Variants in GPHN observed in about 807,000 individuals in gnomAD.
GPHN encodes gephyrin.
In GPHN, 17 loss-of-function variants were observed where a neutral mutation model predicts 95.5. That is an observed-to-expected ratio of 0.18 (90% confidence interval 0.12 to 0.27). The LOEUF is 0.27. Among genes scored for constraint, GPHN ranks in the 10% least tolerant of loss-of-function variants. The pLI, the probability that GPHN is intolerant of heterozygous loss-of-function variation, is 1.00. For missense variants in GPHN, 660 were observed against 978.1 expected (o/e 0.67, Z 4.34); for synonymous variants, 320 against 322.5 (o/e 0.99, Z 0.08).
At chr14:66,526,445 C>T (rs1399595520) in intron 1 of GPHN, among the ~76,000 whole-genome samples, 3 of 152,092 alleles carry the variant, frequency 2.0e-5, no homozygotes, top group African/African-American at 4.8e-5. Context: ...AATTTGACTT[C>T]CTCTTCCTAT....
chr14:67,129,862 G>A lies in GPHN; in HGVS notation c.1748+7485G>A, dbSNP rs985278910. Among the ~76,000 whole-genome samples the A allele has an allele frequency of 2.0e-5, 3 of 151,694 alleles. No individual in the cohort carries two copies. The South Asian group carries it at 6.2e-4, about 32-fold the overall frequency. Reference sequence around the variant, plus strand: ...GGAGGAAGGAAGGAAGGAAGGCGGAGGGAGGGAGGAAGGCAGGAAGAAAGA... The same window carrying A: ...GGAGGAAGGAAGGAAGGAAGGCGGAAGGAGGGAGGAAGGCAGGAAGAAAGA... On this transcript the variant is annotated intron_variant, in intron 17 of 22. Transcript: ENST00000478722.
At chr14:66,545,293 C>T (rs1317385197) in intron 1 of GPHN, among the ~76,000 whole-genome samples, 11 of 131,538 alleles carry the variant, frequency 8.4e-5, no homozygotes, top group East Asian at 3.0e-4. Flanking sequence ...CGGGCAGAGG[C>T]GCCCCCCACC....
the GPHN span, among the ~76,000 whole-genome samples, chr14:67,196,109 C>G: frequency 2.0e-5 from 3 of 152,116 alleles, no homozygotes; most frequent in Non-Finnish European, 4.4e-5. Context: ...TGCCATCATC[C>G]TCTGTGCATT....
chr14:67,189,146 G>A, the GPHN span, among the ~76,000 whole-genome samples: 2 of 152,220 alleles, frequency 1.3e-5, no homozygotes, highest in East Asian at 3.8e-4. Flanking sequence ...GATCAATGAT[G>A]TAAAGTCTGA....
the GPHN span, among the ~76,000 whole-genome samples, chr14:67,375,760 C>A: frequency 6.6e-6 from 1 of 152,160 alleles, no homozygotes; most frequent in Non-Finnish European, 1.5e-5. Flanking sequence ...AAACTAGCAG[C>A]ATTGACATCA....
chr14:67,259,353 G>A, the GPHN span, among the ~76,000 whole-genome samples: 1 of 151,596 alleles, frequency 6.6e-6, no homozygotes, highest in African/African-American at 2.4e-5. Context: ...GCTCACACCT[G>A]TAATCCCAGC....
At chr14:67,242,737 A>G in the GPHN span, among the ~76,000 whole-genome samples, 185 of 152,288 alleles carry the variant, frequency 1.2e-3, no homozygotes, top group Non-Finnish European at 2.1e-3. Flanking sequence ...AGATTTATAG[A>G]TAAAACAGGC....
chr14:66,675,111 C>G (rs1339031265), intron 1 of GPHN, among the ~76,000 whole-genome samples: 1 of 146,306 alleles, frequency 6.8e-6, no homozygotes, highest in East Asian at 2.0e-4. Context: ...ATTTGTTTGT[C>G]TTCTTTTGAG....
At chr14:67,069,644 A>T (rs1024013954) in intron 11 of GPHN, among the ~76,000 whole-genome samples, 5 of 152,366 alleles carry the variant, frequency 3.3e-5, no homozygotes, top group African/African-American at 1.2e-4. Context: ...AATCTTAAAT[A>T]AAAAAGCTTA....
At chr14:67,146,149 A>G (rs1753579066) in intron 18 of GPHN, among the ~76,000 whole-genome samples, 1 of 152,188 alleles carries the variant, frequency 6.6e-6, no homozygotes, top group African/African-American at 2.4e-5. Flanking sequence ...GGTGTATTTC[A>G]CAGCCATCCC....
intron 2 of GPHN, among the ~76,000 whole-genome samples, chr14:66,714,569 A>G (rs989460781): frequency 1.2e-4 from 19 of 152,258 alleles, no homozygotes; most frequent in East Asian, 5.8e-4. Context: ...CTTAGAGGGA[A>G]TGCTTTCAAC....
intron 11 of GPHN, among the ~76,000 whole-genome samples, chr14:67,072,733 G>A (rs866571869): frequency 4.0e-5 from 6 of 150,516 alleles, no homozygotes; most frequent in South Asian, 2.1e-4. Flanking sequence ...CTAAAATCTC[G>A]TTTTCAGTTT....
intron 3 of GPHN, among the ~76,000 whole-genome samples, chr14:66,807,542 T>G (rs987549393): frequency 8.5e-5 from 13 of 152,128 alleles, no homozygotes; most frequent in Admixed American, 6.5e-4. Context: ...TGCTATAAAC[T>G]CACTAAGAAT....
At chr14:67,531,351 T>A in the GPHN span, among the ~76,000 whole-genome samples, 310 of 152,228 alleles carry the variant, frequency 2.0e-3, 2 homozygotes, top group South Asian at 2.5e-3. Context: ...GGAAGAGACA[T>A]AACTGAAACT....
the GPHN span, among the ~76,000 whole-genome samples, chr14:67,503,080 A>T: frequency 1.3e-5 from 2 of 152,190 alleles, no homozygotes; most frequent in Non-Finnish European, 2.9e-5. Context: ...GCACGCTAAC[A>T]AGCAGATAGT....
chr14:67,230,287 G>A, the GPHN span, among the ~76,000 whole-genome samples: 1 of 152,122 alleles, frequency 6.6e-6, no homozygotes, highest in Non-Finnish European at 1.5e-5. Context: ...ATTAAGTTAA[G>A]ACATATGATC....
At chr14:66,771,732 C>T (rs1364599879) in intron 2 of GPHN, among the ~76,000 whole-genome samples, 2 of 121,216 alleles carry the variant, frequency 1.6e-5, no homozygotes, top group African/African-American at 3.1e-5. Flanking sequence ...CCCCTCCCCC[C>T]ACCCCACAAC....
intron 1 of GPHN, among the ~76,000 whole-genome samples, chr14:66,568,179 A>G (rs1193778006): frequency 6.6e-6 from 1 of 152,208 alleles, no homozygotes; most frequent in Non-Finnish European, 1.5e-5. Context: ...TTAATTTTCC[A>G]AAAGAAAATT....
rs140220128 is a variant in GPHN at position 66,571,194 on chromosome 14, C to T, written c.64+62603C>T. Among the ~76,000 whole-genome samples, 709 of 152,226 alleles carry T rather than the reference C, an allele frequency of 4.7e-3. 7 individuals carry two copies. The highest frequency in any genetic ancestry group is 0.016 in the African/African-American group (678 of 41,522). ...AAAGGGGAAGCAAAGACCTTCTTCA[C>T]GTGGCAGGAGAGCGAAGAGAGGGTG... On this transcript the variant is annotated intron_variant, in intron 1 of 22. Transcript: ENST00000478722.
Sources: gnomAD v4.1 joint callset for allele counts (sites outside exome capture counted in the v4.1 genomes callset) on GRCh38, gnomAD v4.1.1 for gene constraint, MANE v1.5 for transcripts, NCBI Gene and HGNC (gene_info 2026-07-23, HGNC 2026-07-21) for gene names.